The following HDAC9 variants were observed in gnomAD, a reference collection of about 807,000 sequenced individuals.
HDAC9 encodes histone deacetylase 9.
In HDAC9, 41 loss-of-function variants were observed where a neutral mutation model predicts 139.4. That is an observed-to-expected ratio of 0.29 (90% CI 0.23 to 0.38). HDAC9 has a LOEUF of 0.38. HDAC9 is among the 10% of genes least tolerant of loss of function. HDAC9 has a pLI of 1.00. For missense variants in HDAC9, 1,147 were observed against 1,297.0 expected (o/e 0.88, Z 1.78); for synonymous variants, 517 against 476.2 (o/e 1.09, Z -1.12).
intron 6 of HDAC9, among the ~76,000 whole-genome samples, chr7:18,615,468 T>C (rs1237367861): frequency 6.6e-6 from 1 of 152,218 alleles, no homozygotes; most frequent in Non-Finnish European, 1.5e-5. Flanking sequence ...AATTAAATAA[T>C]CCTTAATTTA....
At chr7:18,452,936 T>C (rs1220950017) in intron 1 of HDAC9, among the ~76,000 whole-genome samples, 1 of 152,146 alleles carries the variant, frequency 6.6e-6, no homozygotes, top group Non-Finnish European at 1.5e-5. Context: ...TAATATAAAC[T>C]TGGACACACA....
chr7:18,825,331 C>T (rs1414612284), intron 17 of HDAC9, among the ~76,000 whole-genome samples: 1 of 152,104 alleles, frequency 6.6e-6, no homozygotes, highest in Non-Finnish European at 1.5e-5. Context: ...TAGTATGAGC[C>T]TCCAAGGGAG....
chr7:18,526,887 G>A (rs756032229), intron 2 of HDAC9, among the ~76,000 whole-genome samples: 1 of 152,072 alleles, frequency 6.6e-6, no homozygotes, highest in East Asian at 1.9e-4. Flanking sequence ...TTTAAAAAAT[G>A]TTCTGTCTAG....
intron 2 of HDAC9, among the ~76,000 whole-genome samples, chr7:18,190,986 A>AT (rs1426572428): frequency 1.3e-5 from 2 of 152,282 alleles, no homozygotes; most frequent in Non-Finnish European, 1.5e-5. Context: ...TTAAGTGATA[A>AT]TTTTTTAGAA....
chr7:18,116,633 A>T (rs1784004979), intron 1 of HDAC9, among the ~76,000 whole-genome samples: 1 of 152,132 alleles, frequency 6.6e-6, no homozygotes, highest in South Asian at 2.1e-4. Context: ...CAAATAAAAT[A>T]ATAAAAATTT....
rs939695915 is a variant in HDAC9, at chr7:18,785,569, T to A, written c.2215-7776T>A. 6.1e-4 allele frequency among the ~76,000 whole-genome samples: 93 copies of A among 151,998 alleles called. 2 individuals are homozygous for A. The highest frequency in any genetic ancestry group is 3.7e-4 in the Non-Finnish European group (25 of 67,970). Reference sequence around the variant, plus strand: ...TAGGTACCACTTGAAACATTTGATTTAAAAAAAATATTTTAGCACTTTTAA... The same window carrying A: ...TAGGTACCACTTGAAACATTTGATTAAAAAAAAATATTTTAGCACTTTTAA... On this transcript the variant is annotated intron_variant, in intron 16 of 25. Transcript: ENST00000686413.
chr7:18,969,120 T>G (rs969085383), intron 24 of HDAC9, among the ~76,000 whole-genome samples: 2 of 152,056 alleles, frequency 1.3e-5, no homozygotes, highest in African/African-American at 4.8e-5. Flanking sequence ...GTTTCCTTAA[T>G]GTTTCATTTG....
At chr7:18,368,582 A>G (rs28434107) in intron 1 of HDAC9, among the ~76,000 whole-genome samples, 38,230 of 151,832 alleles carry the variant, frequency 0.25, 5,029 homozygotes, top group East Asian at 0.36. Context: ...CAAGGTTTAT[A>G]TTAATTTTAT....
At chr7:18,120,344 A>G (rs554298616) in intron 1 of HDAC9, among the ~76,000 whole-genome samples, 4 of 152,324 alleles carry the variant, frequency 2.6e-5, no homozygotes, top group Admixed American at 6.5e-5. Flanking sequence ...ATAAATATGC[A>G]TGCTGATCAT....
At chr7:18,435,310 C>G (rs1168188727) in intron 1 of HDAC9, among the ~76,000 whole-genome samples, 2 of 151,974 alleles carry the variant, frequency 1.3e-5, no homozygotes, top group African/African-American at 2.4e-5. Context: ...AGGTGCTATG[C>G]TCATCACCTG....
chr7:18,998,779 C>G lies in HDAC9; in HGVS notation c.*2717C>G, dbSNP rs538847878. ...ACTTACTTTGAAGGAAAATCACATA[C>G]GCTCTCTCATGGTCTCATGGTATCT... On this transcript the variant is annotated 3_prime_UTR_variant, in exon 26 of 26. Transcript: ENST00000686413. 6.6e-5 allele frequency: 10 copies of G among 152,232 alleles called. No individual in the cohort carries two copies. The South Asian group carries it at 2.1e-3, about 32-fold the overall frequency. The allele number at this position is 152,232 out of a possible 1,614,324, so 9.4% of individuals were successfully genotyped here.
chr7:18,840,604 TA>T (rs1310754882), intron 21 of HDAC9, among the ~76,000 whole-genome samples: 2 of 152,118 alleles, frequency 1.3e-5, no homozygotes, highest in African/African-American at 4.8e-5. Flanking sequence ...TAGGCATTAC[TA>T]AAATATTTTG....
chr7:18,809,874 A>G (rs890327320), intron 17 of HDAC9, among the ~76,000 whole-genome samples: 41 of 152,010 alleles, frequency 2.7e-4, no homozygotes, highest in Non-Finnish European at 1.9e-4. Context: ...CTGAATATTC[A>G]TACAGAGGAA....
chr7:18,669,916 GAGAA>G (rs1309252949), intron 12 of HDAC9, among the ~76,000 whole-genome samples: 1 of 151,782 alleles, frequency 6.6e-6, no homozygotes, highest in Non-Finnish European at 1.5e-5. Context: ...TCATAGATCT[GAGAA>G]AGATAGTCTT....
intron 2 of HDAC9, among the ~76,000 whole-genome samples, chr7:18,220,610 G>C (rs934635062): frequency 3.9e-5 from 6 of 152,138 alleles, no homozygotes; most frequent in African/African-American, 9.7e-5. Context: ...GTAGTGTTTT[G>C]CTGTGAATAA....
chr7:18,927,623 C>G (rs1006927052), intron 22 of HDAC9, among the ~76,000 whole-genome samples: 7 of 152,172 alleles, frequency 4.6e-5, no homozygotes, highest in African/African-American at 1.7e-4. Flanking sequence ...ATGTGTGACT[C>G]CTTTGGTCCC....
chr7:18,552,760 C>G (rs1817558738), intron 2 of HDAC9, among the ~76,000 whole-genome samples: 1 of 152,110 alleles, frequency 6.6e-6, no homozygotes, highest in Non-Finnish European at 1.5e-5. Flanking sequence ...TACTTTTTCT[C>G]TGAGATGTGG....
chr7:18,886,549 A>T (rs1167191808), intron 22 of HDAC9, among the ~76,000 whole-genome samples: 1 of 152,126 alleles, frequency 6.6e-6, no homozygotes, highest in Non-Finnish European at 1.5e-5. Flanking sequence ...TTTAATTTTC[A>T]TAGTGGTATA....
intron 2 of HDAC9, among the ~76,000 whole-genome samples, chr7:18,177,086 C>T (rs1262723262): frequency 5.9e-5 from 9 of 152,136 alleles, no homozygotes; most frequent in Admixed American, 5.2e-4. Context: ...ACTGATAATC[C>T]GCCTACCCAT....
Sources: allele counts gnomAD v4.1 joint callset (sites outside exome capture counted in the v4.1 genomes callset), GRCh38; gene constraint gnomAD v4.1.1; transcripts MANE v1.5; gene names NCBI Gene and HGNC (gene_info 2026-07-23, HGNC 2026-07-21).